The following PTGFRN variants were observed in gnomAD, a reference collection of about 807,000 sequenced individuals.
PTGFRN encodes the protein prostaglandin F2 receptor negative regulator.
PTGFRN carries 35 observed loss-of-function variants against 83.2 expected under a neutral mutation model. The observed-to-expected ratio is 0.42, with a 90% CI of 0.32 to 0.56. The LOEUF (loss-of-function observed/expected upper bound fraction) is 0.56, where lower values mean the gene tolerates loss of function less well. PTGFRN is among the 20% of genes least tolerant of loss of function. The pLI is 0.11. For synonymous variants in PTGFRN, 519 were observed against 498.6 expected (o/e 1.04, Z -0.55); for missense variants, 1,051 against 1,179.5 (o/e 0.89, Z 1.60).
Position 116,909,962 on chromosome 1 carries a change from G to GGGGCCGGCTCCCGGGCCCGGCC in PTGFRN, c.-239_-218dup. 1.8e-6 allele frequency: 1 copy of GGGGCCGGCTCCCGGGCCCGGCC among 569,464 alleles called. No individual in the cohort carries two copies. The highest frequency in any genetic ancestry group is 3.4e-5 in the East Asian group (1 of 29,140). The allele number at this position is 569,464 out of a possible 1,614,324, so 35.3% of individuals were successfully genotyped here. On this transcript the variant is annotated 5_prime_UTR_variant, in exon 1 of 9. Transcript: ENST00000393203. ...GTCGGGGCTGCACACTCGGATCGGC[G>GGGGCCGGCTCCCGGGCCCGGCC]GGGCCGGCTCCCGGGCCCGGCCGGC...
At chr1:116,963,385 A>G (rs923067964) in intron 5 of PTGFRN, among the ~76,000 whole-genome samples, 3 of 152,178 alleles carry the variant, frequency 2.0e-5, no homozygotes, top group Non-Finnish European at 4.4e-5. Flanking sequence ...GAGAATTCCC[A>G]TTCACGCTGC....
chr1:116,964,500 T>G (rs1557745278), intron 5 of PTGFRN, among the ~76,000 whole-genome samples: 1 of 152,180 alleles, frequency 6.6e-6, no homozygotes, highest in Non-Finnish European at 1.5e-5. Context: ...TTAGACTACC[T>G]CAGGACATAG....
At chr1:116,947,232 G>C (rs1650223446) in intron 3 of PTGFRN, among the ~76,000 whole-genome samples, 2 of 152,234 alleles carry the variant, frequency 1.3e-5, no homozygotes, top group South Asian at 4.1e-4. Context: ...GCAGAGTGAA[G>C]CTGTGCTACC....
At chr1:116,955,827 A>G (rs1009364960) in intron 4 of PTGFRN, among the ~76,000 whole-genome samples, 5 of 152,216 alleles carry the variant, frequency 3.3e-5, no homozygotes, top group Admixed American at 6.5e-5. Context: ...GAAAGCCCAT[A>G]AGACATACAT....
At chr1:116,978,751 C>T (rs1651228983) in intron 7 of PTGFRN, among the ~76,000 whole-genome samples, 2 of 152,136 alleles carry the variant, frequency 1.3e-5, no homozygotes, top group Admixed American at 1.3e-4. Flanking sequence ...TTATGACAAA[C>T]CCACAGCTAA....
chr1:116,923,111 G>T lies in PTGFRN; in HGVS notation c.49+12859G>T, dbSNP rs1032783516. ...TCTGTTTATTAGGATGAGCATTTGT[G>T]TGTCTCACCCAACCGTAAGCAGCTC... is the stretch of plus-strand genomic sequence containing the variant. On this transcript the variant is annotated intron_variant, in intron 1 of 8. Coordinates refer to ENST00000393203, the MANE Select transcript of PTGFRN (RefSeq NM_020440.4). This position sits in a 1 kb window ranked among gnomAD's most constrained non-coding sequence, Gnocchi z 4.0. Among the ~76,000 whole-genome samples, 1 of 152,152 alleles carries T rather than the reference G, an allele frequency of 6.6e-6. No individual in the cohort carries two copies. Among genetic ancestry groups the T allele is most frequent in the African/African-American group, 2.4e-5 (1 of 41,434 alleles).
intron 6 of PTGFRN, among the ~76,000 whole-genome samples, chr1:116,972,375 C>A (rs990400947): frequency 2.6e-5 from 4 of 152,220 alleles, no homozygotes; most frequent in African/African-American, 9.7e-5. Flanking sequence ...CTGCCTAACC[C>A]CCACTAGGGT....
chr1:116,949,071 A>G (rs916815626), intron 3 of PTGFRN, 121 bp from the exon 4 acceptor site: 1 of 1,259,032 alleles, frequency 7.9e-7, no homozygotes, highest in Non-Finnish European at 1.1e-6. Flanking sequence ...ACAACTGTAC[A>G]AAGCCTTCTA....
chr1:116,933,086 C>T (rs546571897), intron 1 of PTGFRN, among the ~76,000 whole-genome samples: 1 of 152,248 alleles, frequency 6.6e-6, no homozygotes, highest in South Asian at 2.1e-4. Context: ...TCCTCTTACT[C>T]GATTCTAATA....
At chr1:116,983,881 AGTCAAGGGAAGAG>A (rs1279356188) in intron 7 of PTGFRN, among the ~76,000 whole-genome samples, 5 of 152,222 alleles carry the variant, frequency 3.3e-5, no homozygotes, top group Non-Finnish European at 7.3e-5. Flanking sequence ...GGTTGGTACC[AGTCAAGGGAAGAG>A]GTCAAGGGCT....
intron 1 of PTGFRN, among the ~76,000 whole-genome samples, chr1:116,927,525 C>CTTTTTTTTTTTTTTTTT (rs1171564821): frequency 7.2e-5 from 9 of 124,414 alleles, no homozygotes; most frequent in African/African-American, 3.1e-4. Flanking sequence ...CCTTGCTTAC[C>CTTTTTTTTTTTTTTTTT]TTTTTTTTTT....
At chr1:116,957,512 A>G (rs1330384584) in intron 4 of PTGFRN, among the ~76,000 whole-genome samples, 1 of 152,102 alleles carries the variant, frequency 6.6e-6, no homozygotes, top group Admixed American at 6.5e-5. Flanking sequence ...GATTAAAATT[A>G]TATATGTTTA....
rs531249023 is a variant in PTGFRN at position 116,950,879 on chromosome 1, A to G, written c.1213+1307A>G. On this transcript the variant is annotated intron_variant, in intron 4 of 8. Coordinates refer to ENST00000393203, the MANE Select transcript of PTGFRN (RefSeq NM_020440.4). Reference sequence around the variant, plus strand: ...TTTTTATTCCTGCCGTCTGAACCCCATGCAAGAGAGTCACTATGAAGTACT... The same window carrying G: ...TTTTTATTCCTGCCGTCTGAACCCCGTGCAAGAGAGTCACTATGAAGTACT... Among the ~76,000 whole-genome samples the G allele has an allele frequency of 2.0e-5, 3 of 152,324 alleles. No individual in the cohort carries two copies. In the East Asian group the frequency reaches 5.8e-4, roughly 29 times the overall value.
At chr1:116,973,776 C>G (rs1228666048) in intron 6 of PTGFRN, among the ~76,000 whole-genome samples, 2 of 152,102 alleles carry the variant, frequency 1.3e-5, no homozygotes, top group Non-Finnish European at 2.9e-5. Flanking sequence ...CTTTCCCCAG[C>G]ACCCAGCACA....
chr1:116,974,259 A>G lies in PTGFRN; in HGVS notation c.2103A>G (p.Val701=). The G allele has an allele frequency of 6.2e-7, 1 of 1,613,596 alleles. No homozygotes were observed. Among genetic ancestry groups the G allele is most frequent in the Non-Finnish European group, 8.5e-7 (1 of 1,179,498 alleles). ...CTGTGCATTCAGACACACCATCAGT[A>G]ATTCGGGGAGATCTGATCAAATTGT... ...NASVHSDTPS[V]IRGDLIKLFC... The change falls in exon 7 of 9, where the codon GTA becomes GTG. Residue 701 remains valine, a synonymous_variant. Coordinates refer to ENST00000393203, the MANE Select transcript of PTGFRN (RefSeq NM_020440.4).
chr1:116,956,015 G>T (rs1469723202), intron 4 of PTGFRN, among the ~76,000 whole-genome samples: 2 of 152,196 alleles, frequency 1.3e-5, no homozygotes, highest in East Asian at 1.9e-4. Flanking sequence ...AGGCCTTGAA[G>T]AAGGGCACAA....
intron 2 of PTGFRN, among the ~76,000 whole-genome samples, chr1:116,943,610 T>C (rs1650111844): frequency 6.6e-6 from 1 of 152,166 alleles, no homozygotes; most frequent in Non-Finnish European, 1.5e-5. Context: ...GCTTCATGGC[T>C]CTTGAAACTA....
rs540943170 is a variant in PTGFRN at position 116,918,815 on chromosome 1, C to T, written c.49+8563C>T. ...GGAGGGACAGCATCATGTGGTCTCTCCATGGAATGAGAGTGGAAGGATGAG... is the reference window on the plus strand; with the variant it reads ...GGAGGGACAGCATCATGTGGTCTCTTCATGGAATGAGAGTGGAAGGATGAG... On this transcript the variant is annotated intron_variant, in intron 1 of 8. Coordinates refer to ENST00000393203, the MANE Select transcript of PTGFRN (RefSeq NM_020440.4). This position sits in a 1 kb window ranked among gnomAD's most constrained non-coding sequence, Gnocchi z 4.1. 5.3e-5 allele frequency among the ~76,000 whole-genome samples: 8 copies of T among 152,204 alleles called. No homozygotes were observed. In the East Asian group the frequency reaches 1.5e-3, roughly 29 times the overall value.
intron 7 of PTGFRN, among the ~76,000 whole-genome samples, chr1:116,983,899 A>G (rs188894247): frequency 7.9e-5 from 12 of 152,350 alleles, no homozygotes; most frequent in South Asian, 2.1e-4. Context: ...GAAGAGGTCA[A>G]GGGCTTATGA....
Sources: gnomAD v4.1 joint callset for allele counts (sites outside exome capture counted in the v4.1 genomes callset) on GRCh38, gnomAD v4.1.1 for gene constraint, Gnocchi (gnomAD v3.1) non-coding constraint, MANE v1.5 for transcripts, NCBI Gene and HGNC (gene_info 2026-07-23, HGNC 2026-07-21) for gene names.